Variants in GLYATL3 observed in about 807,000 individuals in gnomAD.
The protein encoded by GLYATL3 is glycine N-acyltransferase-like protein 3.
Under a neutral mutation model 28.5 loss-of-function variants are expected in GLYATL3, and 31 were observed. That is an observed-to-expected ratio of 1.09 (90% CI 0.82 to 1.47). The LOEUF (loss-of-function observed/expected upper bound fraction) is 1.47, where lower values mean the gene tolerates loss of function less well. GLYATL3 is among the 40% of genes most tolerant of loss of function. GLYATL3 has a pLI of 0.00. For synonymous variants in GLYATL3, 141 were observed against 140.2 expected (o/e 1.01, Z -0.04); for missense variants, 369 against 351.5 (o/e 1.05, Z -0.40).
rs538484418 is a variant in GLYATL3, at chr6:49,512,085, A to C, written c.78+17A>C. 9.4e-7 allele frequency: 1 copy of C among 1,061,204 alleles called. No individual in the cohort carries two copies. Among genetic ancestry groups the C allele is most frequent in the Non-Finnish European group, 1.4e-6 (1 of 720,490 alleles). The allele number at this position is 1,061,204 out of a possible 1,614,324, so 65.7% of individuals were successfully genotyped here. ...TCACTCAAGGTACCATAAAATTAAT[A>C]ATTTTATTTTATTTCTTTATTGTGT... On this transcript the variant is annotated intron_variant, in intron 2 of 5. Coordinates refer to ENST00000371197, the MANE Select transcript of GLYATL3 (RefSeq NM_001010904.2).
intron 4 of GLYATL3, among the ~76,000 whole-genome samples, chr6:49,518,638 T>A (rs1195457146): frequency 2.0e-5 from 3 of 152,076 alleles, no homozygotes; most frequent in African/African-American, 7.2e-5. Flanking sequence ...AGACTTCAGA[T>A]GTCATATAAA....
chr6:49,516,564 T>A (rs922994011), intron 3 of GLYATL3, among the ~76,000 whole-genome samples: 21 of 152,076 alleles, frequency 1.4e-4, no homozygotes, highest in African/African-American at 5.1e-4. Flanking sequence ...TGGAGGTGAA[T>A]CCACTGAGTT....
intron 4 of GLYATL3, among the ~76,000 whole-genome samples, chr6:49,518,550 T>C (rs1280564197): frequency 6.6e-6 from 1 of 152,164 alleles, no homozygotes; most frequent in Non-Finnish European, 1.5e-5. Context: ...TACAGAAAGC[T>C]GAGGTCCTCC....
chr6:49,514,022 T>C (rs886254770), intron 2 of GLYATL3, among the ~76,000 whole-genome samples: 1 of 152,236 alleles, frequency 6.6e-6, no homozygotes, highest in African/African-American at 2.4e-5. Context: ...ACAAAGTCCA[T>C]TGAAATCTAA....
At chr6:49,507,926 T>C (rs936458591) in intron 1 of GLYATL3, among the ~76,000 whole-genome samples, 13 of 151,910 alleles carry the variant, frequency 8.6e-5, no homozygotes, top group African/African-American at 3.1e-4. Context: ...TGAGGTGAGA[T>C]GGTCACATGG....
chr6:49,526,411 T>C, intron 5 of GLYATL3, 77 bp from the exon 6 acceptor site: 1 of 1,263,352 alleles, frequency 7.9e-7, no homozygotes. Context: ...AGACTGTGTC[T>C]CGAAAAAAAA....
chr6:49,518,849 G>T (rs1474388842), intron 4 of GLYATL3, among the ~76,000 whole-genome samples: 1 of 152,030 alleles, frequency 6.6e-6, no homozygotes. Flanking sequence ...GCTGAGGCAG[G>T]AGAATGGCGT....
In GLYATL3 at chr6:49,517,608, C is replaced by A. The variant is rs1769239967; in HGVS notation, c.313+52C>A. 3.4e-5 allele frequency: 46 copies of A among 1,355,070 alleles called. No homozygotes were observed. The South Asian group carries it at 6.4e-4, about 19-fold the overall frequency. The allele number at this position is 1,355,070 out of a possible 1,614,324, so 83.9% of individuals were successfully genotyped here. ...ACACAGTCTTTTTTTTCCTCCTTAG[C>A]ATATATCCAGATAGTTATAGATATT... On this transcript the variant is annotated intron_variant, in intron 4 of 5. Transcript: ENST00000371197.
chr6:49,511,130 G>C (rs1353828455), intron 1 of GLYATL3, among the ~76,000 whole-genome samples: 1 of 152,102 alleles, frequency 6.6e-6, no homozygotes, highest in African/African-American at 2.4e-5. Flanking sequence ...GATGTAAGTT[G>C]ATAAGCTCTG....
chr6:49,505,459 G>T (rs1177833471), intron 1 of GLYATL3, among the ~76,000 whole-genome samples: 2 of 152,072 alleles, frequency 1.3e-5, no homozygotes, highest in Non-Finnish European at 2.9e-5. Context: ...TTTATCTTTT[G>T]GTCCTACATA....
At chr6:49,516,052 C>T (rs571119543) in intron 3 of GLYATL3, among the ~76,000 whole-genome samples, 6 of 151,686 alleles carry the variant, frequency 4.0e-5, no homozygotes, top group East Asian at 3.9e-4. Context: ...CTCCTGCCTC[C>T]GCCTCCTGAG....
intron 1 of GLYATL3, 61 bp from the exon 2 acceptor site, chr6:49,511,902 C>G (rs933836950): frequency 9.6e-5 from 62 of 648,944 alleles, no homozygotes; most frequent in Non-Finnish European, 1.5e-4. Flanking sequence ...AAGAAAACTC[C>G]TAAATAGATC....
intron 1 of GLYATL3, among the ~76,000 whole-genome samples, chr6:49,510,743 G>C (rs1366077063): frequency 6.6e-6 from 1 of 152,086 alleles, no homozygotes; most frequent in African/African-American, 2.4e-5. Context: ...GTCCAGACTG[G>C]GATTCAAAAG....
At chr6:49,519,870 C>T (rs1319429931) in intron 4 of GLYATL3, among the ~76,000 whole-genome samples, 1 of 152,208 alleles carries the variant, frequency 6.6e-6, no homozygotes, top group African/African-American at 2.4e-5. Context: ...CAGCTACCCA[C>T]ACAGGCCAGG....
chr6:49,505,230 G>A (rs976199971), intron 1 of GLYATL3, among the ~76,000 whole-genome samples: 1 of 152,202 alleles, frequency 6.6e-6, no homozygotes, highest in Non-Finnish European at 1.5e-5. Flanking sequence ...TGAAAAAAGG[G>A]TGGTTTCAGT....
At chr6:49,523,336 G>T (rs1440762395) in intron 5 of GLYATL3, among the ~76,000 whole-genome samples, 3 of 152,178 alleles carry the variant, frequency 2.0e-5, no homozygotes, top group Non-Finnish European at 2.9e-5. Flanking sequence ...GGGATTACAG[G>T]CATGAGCCAC....
At position 49,527,411 on chromosome 6, in the gene GLYATL3, T is replaced by C. The variant is rs1180375001; in HGVS notation, c.*497T>C. 6.6e-6 allele frequency among the ~76,000 whole-genome samples: 1 copy of C among 152,144 alleles called. No homozygotes were observed. The highest frequency in any genetic ancestry group is 1.5e-5 in the Non-Finnish European group (1 of 68,022). On this transcript the variant is annotated 3_prime_UTR_variant, in exon 6 of 6. Transcript: ENST00000371197. The stretch of plus-strand genomic sequence containing the variant: ...CAAGTTCTCTGTAGAGTAACCTCCT[T>C]TTTCCCCTTTAATTACTTGCTCTTT...
intron 4 of GLYATL3, among the ~76,000 whole-genome samples, chr6:49,518,809 C>T (rs1009778789): frequency 1.3e-5 from 2 of 151,936 alleles, no homozygotes; most frequent in Non-Finnish European, 2.9e-5. Flanking sequence ...GGCATGGTGG[C>T]GGGCGCCTGT....
intron 5 of GLYATL3, among the ~76,000 whole-genome samples, chr6:49,524,839 G>A (rs1215661751): frequency 1.3e-5 from 2 of 151,760 alleles, no homozygotes; most frequent in African/African-American, 4.8e-5. Flanking sequence ...AATTAGCTGG[G>A]CATGTTGGCA....
Sources: gnomAD v4.1 joint callset for allele counts (sites outside exome capture counted in the v4.1 genomes callset) on GRCh38, gnomAD v4.1.1 for gene constraint, MANE v1.5 for transcripts, NCBI Gene and HGNC (gene_info 2026-07-23, HGNC 2026-07-21) for gene names.